SEC63: variants seen among roughly 807,000 people sequenced by gnomAD.
SEC63 encodes the protein SEC63 protein translocation regulator.
In SEC63, 56 loss-of-function variants were observed where a neutral mutation model predicts 116.2. The ratio of observed to expected loss-of-function variants is 0.48; its 90% CI spans 0.39 to 0.60. SEC63 has a LOEUF of 0.60. Ranked by LOEUF, SEC63 falls within the 20% of genes least tolerant of loss-of-function variation. SEC63 has a pLI of 0.00. For synonymous variants in SEC63, 273 were observed against 294.6 expected (o/e 0.93, Z 0.75); for missense variants, 668 against 900.0 (o/e 0.74, Z 3.30).
intron 1 of SEC63, among the ~76,000 whole-genome samples, chr6:107,948,294 A>C (rs1770515928): frequency 6.6e-6 from 1 of 152,206 alleles, no homozygotes; most frequent in Non-Finnish European, 1.5e-5. Context: ...GCTCTGGCAT[A>C]AGACAGAGTT....
At chr6:107,951,624 T>A (rs1350034091) in intron 1 of SEC63, among the ~76,000 whole-genome samples, 2 of 152,172 alleles carry the variant, frequency 1.3e-5, no homozygotes, top group Non-Finnish European at 2.9e-5. Flanking sequence ...AAAATACCAG[T>A]ACATAACACC....
intron 1 of SEC63, among the ~76,000 whole-genome samples, chr6:107,932,639 T>C (rs962999494): frequency 7.9e-5 from 12 of 152,234 alleles, no homozygotes; most frequent in Non-Finnish European, 1.6e-4. Flanking sequence ...GAATGAACCC[T>C]GTACTGTTGG....
chr6:107,927,461 A>G (rs917507484), intron 2 of SEC63, among the ~76,000 whole-genome samples: 6 of 152,176 alleles, frequency 3.9e-5, no homozygotes, highest in Non-Finnish European at 7.3e-5. Context: ...TTAACTTTGA[A>G]AGAATGCTTC....
At chr6:107,919,987 C>A (rs937778069) in intron 4 of SEC63, among the ~76,000 whole-genome samples, 1 of 152,076 alleles carries the variant, frequency 6.6e-6, no homozygotes, top group African/African-American at 2.4e-5. Context: ...CTTCAGTAAC[C>A]ACTATCCTGA....
At chr6:107,883,361 A>G in intron 16 of SEC63, 1 of 534,582 alleles carries the variant, frequency 1.9e-6, no homozygotes, top group Non-Finnish European at 3.3e-6. Flanking sequence ...GTCTATTGTT[A>G]GTTATTTTAT....
At chr6:107,882,119 G>T (rs969791184) in intron 17 of SEC63, among the ~76,000 whole-genome samples, 1 of 152,122 alleles carries the variant, frequency 6.6e-6, no homozygotes, top group East Asian at 1.9e-4. Flanking sequence ...GCTAACAATA[G>T]ACATCTTTGT....
intron 1 of SEC63, among the ~76,000 whole-genome samples, chr6:107,953,658 C>A (rs1770629921): frequency 7.2e-6 from 1 of 139,478 alleles, no homozygotes. Context: ...AAGTGAGGAG[C>A]CCCTCTGCCC....
chr6:107,885,985 T>C (rs570549658), intron 16 of SEC63, among the ~76,000 whole-genome samples: 129 of 152,172 alleles, frequency 8.5e-4, no homozygotes, highest in Non-Finnish European at 1.6e-3. Context: ...ATTAGGTATT[T>C]CTACTAATGC....
Position 107,958,165 on chromosome 6 carries a change from G to A in SEC63, c.-156C>T, listed in dbSNP as rs1340995762. On this transcript the variant is annotated 5_prime_UTR_variant, in exon 1 of 21. Coordinates refer to ENST00000369002, the MANE Select transcript of SEC63 (RefSeq NM_007214.5). ...ACGCCACTCTCACGGACACGCCGCC[G>A]CCACCTCTGCCGCTGCCGCCGCCGT... The A allele has an allele frequency of 9.5e-6, 11 of 1,160,238 alleles. No homozygotes were observed. The highest frequency in any genetic ancestry group is 1.4e-5 in the South Asian group (1 of 73,800). The allele number at this position is 1,160,238 out of a possible 1,614,324, so 71.9% of individuals were successfully genotyped here.
rs1390017904 is a variant in SEC63, at chr6:107,868,921, C to T, written c.*2783G>A. 6.6e-6 allele frequency: 1 copy of T among 152,162 alleles called. No homozygotes were observed. 9.4% of individuals were successfully genotyped at this position (152,162 alleles called of 1,614,324 possible). A position where few individuals can be genotyped will look rare whatever the true frequency, so the allele number is the denominator to read the frequency against. ...ATAAGAATTGTGACTACAGAACACT[C>T]TAGTATATGGTTTGGATTGGCTGAA... On this transcript the variant is annotated 3_prime_UTR_variant, in exon 21 of 21. Coordinates refer to ENST00000369002, the MANE Select transcript of SEC63 (RefSeq NM_007214.5).
intron 18 of SEC63, among the ~76,000 whole-genome samples, chr6:107,879,573 C>T (rs1377031874): frequency 6.6e-6 from 1 of 152,184 alleles, no homozygotes; most frequent in Non-Finnish European, 1.5e-5. Flanking sequence ...GATCCACCCA[C>T]CTCGTCCCCA....
chr6:107,937,478 T>A (rs1770281919), intron 1 of SEC63, among the ~76,000 whole-genome samples: 1 of 152,202 alleles, frequency 6.6e-6, no homozygotes, highest in South Asian at 2.1e-4. Context: ...GTTGGTACCA[T>A]GTCTTTGCTA....
intron 1 of SEC63, among the ~76,000 whole-genome samples, chr6:107,953,411 C>G (rs530666359): frequency 3.3e-5 from 5 of 149,712 alleles, no homozygotes; most frequent in Non-Finnish European, 1.5e-5. Context: ...GTCAGCCCCC[C>G]GCCCGGCCAG....
chr6:107,935,476 G>C (rs564130471), intron 1 of SEC63, among the ~76,000 whole-genome samples: 460 of 150,814 alleles, frequency 3.1e-3, no homozygotes, highest in African/African-American at 0.011. Flanking sequence ...GGATCCTGTT[G>C]ATCGGTGACC....
In SEC63 at chr6:107,897,283, G is replaced by A. The variant is rs1026219763; in HGVS notation, c.1440+366C>T. Among the ~76,000 whole-genome samples, 2 of 152,040 alleles carry A rather than the reference G, an allele frequency of 1.3e-5. 1 individual carries two copies. The highest frequency in any genetic ancestry group is 2.9e-5 in the Non-Finnish European group (2 of 67,998). The stretch of plus-strand genomic sequence containing the variant: ...AATGTTATTTTTATTGTAATTCTTA[G>A]ATTTTGAAATGAAAAATAAAAGTCA... On this transcript the variant is annotated intron_variant, in intron 14 of 20. Coordinates refer to ENST00000369002, the MANE Select transcript of SEC63 (RefSeq NM_007214.5).
In SEC63 at chr6:107,958,102, C is replaced by T; in HGVS notation, c.-93G>A. 5 of 1,571,482 alleles carry T rather than the reference C, an allele frequency of 3.2e-6. No individual in the cohort carries two copies. The highest frequency in any genetic ancestry group is 4.3e-6 in the Non-Finnish European group (5 of 1,153,680). The stretch of plus-strand genomic sequence containing the variant: ...CAACGCCCCGGCCCGAGTGGCGTAG[C>T]TTGGACACTGCCGCCGCCGCCTCTC... On this transcript the variant is annotated 5_prime_UTR_variant, in exon 1 of 21. Transcript: ENST00000369002.
intron 1 of SEC63, among the ~76,000 whole-genome samples, chr6:107,934,023 C>T (rs1787872027): frequency 6.6e-6 from 1 of 152,234 alleles, no homozygotes; most frequent in South Asian, 2.1e-4. Flanking sequence ...TCACTCAGTG[C>T]TCAATGGTGC....
chr6:107,877,360 A>C (rs151039461), intron 18 of SEC63: 3 of 152,308 alleles, frequency 2.0e-5, no homozygotes, highest in African/African-American at 7.2e-5. Flanking sequence ...ATAGTACTAG[A>C]CTATTCTAAA....
At position 107,868,090 on chromosome 6, in the gene SEC63, T is replaced by C. The variant is rs1406399915; in HGVS notation, c.*3614A>G. On this transcript the variant is annotated 3_prime_UTR_variant, in exon 21 of 21. Transcript: ENST00000369002. ...ATGAGAATGCTTGGTGCTAACTTCTTGAGACATATTTGGACTAATCACTAC... is the reference window on the plus strand; with the variant it reads ...ATGAGAATGCTTGGTGCTAACTTCTCGAGACATATTTGGACTAATCACTAC... The C allele has an allele frequency of 1.3e-5, 2 of 148,464 alleles. No individual in the cohort carries two copies. The highest frequency in any genetic ancestry group is 5.0e-5 in the African/African-American group (2 of 39,904). 9.2% of individuals were successfully genotyped at this position (148,464 alleles called of 1,614,324 possible).
Sources: allele counts gnomAD v4.1 joint callset (sites outside exome capture counted in the v4.1 genomes callset), GRCh38; gene constraint gnomAD v4.1.1; transcripts MANE v1.5; gene names NCBI Gene and HGNC (gene_info 2026-07-23, HGNC 2026-07-21).